The following GADL1 variants were observed in gnomAD, a reference collection of about 807,000 sequenced individuals.
The protein encoded by GADL1 is acidic amino acid decarboxylase GADL1.
A neutral mutation model predicts 69.5 loss-of-function variants in GADL1; 71 were observed. That is an observed-to-expected ratio of 1.02 (90% confidence interval 0.84 to 1.25). The LOEUF (loss-of-function observed/expected upper bound fraction) is 1.25, where lower values mean the gene tolerates loss of function less well. Among genes scored for constraint, GADL1 ranks in the 50% most tolerant of loss-of-function variants. The pLI, the probability that GADL1 is intolerant of heterozygous loss-of-function variation, is 0.00. For missense variants in GADL1, 737 were observed against 631.8 expected (o/e 1.17, Z -1.79); for synonymous variants, 254 against 214.4 (o/e 1.18, Z -1.62).
chr3:30,854,731 G>A lies in GADL1; in HGVS notation c.396C>T (p.Ala132=), dbSNP rs985716508. The A allele has an allele frequency of 5.9e-5, 92 of 1,549,464 alleles. No individual in the cohort carries two copies. The highest frequency in any genetic ancestry group is 7.6e-5 in the Non-Finnish European group (87 of 1,145,634). ...GATTCAATGCTTCGGTCATAAATCG[G>A]GCCACCAAGGAGTAATAATCAAGTC... ...YAGLDYYSLV[A]RFMTEALNPS... is the part of the protein sequence containing the mutation. The change falls in exon 4 of 15, where the codon GCC becomes GCT. Residue 132 remains alanine, a synonymous_variant. Coordinates refer to ENST00000282538, the MANE Select transcript of GADL1 (RefSeq NM_207359.3).
intron 11 of GADL1, among the ~76,000 whole-genome samples, chr3:30,813,925 G>A (rs1266417952): frequency 2.0e-5 from 3 of 152,254 alleles, no homozygotes; most frequent in Non-Finnish European, 2.9e-5. Flanking sequence ...GCAGAAATGC[G>A]CTGAAATGAC....
At chr3:30,799,789 A>T (rs1232829341) in intron 12 of GADL1, 3 of 152,210 alleles carry the variant, frequency 2.0e-5, no homozygotes, top group Non-Finnish European at 2.9e-5. Context: ...CTTCCATCAG[A>T]TACCATAAAT....
chr3:30,781,792 G>A (rs901264156), intron 13 of GADL1, among the ~76,000 whole-genome samples: 2 of 152,170 alleles, frequency 1.3e-5, no homozygotes, highest in Non-Finnish European at 2.9e-5. Context: ...TTAGTACCGT[G>A]TCTGGCACAC....
chr3:30,741,970 G>A (rs1383088589), intron 14 of GADL1, among the ~76,000 whole-genome samples: 1 of 152,158 alleles, frequency 6.6e-6, no homozygotes, highest in Admixed American at 6.5e-5. Context: ...AGCCCACTAT[G>A]AGGAATTCCA....
chr3:30,741,059 T>G (rs575474874), intron 14 of GADL1, among the ~76,000 whole-genome samples: 1 of 137,022 alleles, frequency 7.3e-6, no homozygotes, highest in Non-Finnish European at 1.5e-5. Flanking sequence ...ATCAGATATA[T>G]AAATGTTTGT....
chr3:30,864,578 C>A (rs911664768), intron 1 of GADL1, among the ~76,000 whole-genome samples: 1 of 151,880 alleles, frequency 6.6e-6, no homozygotes, highest in Non-Finnish European at 1.5e-5. Flanking sequence ...TTGATAGACA[C>A]ATTTTATTTT....
chr3:30,797,521 A>G lies in GADL1; in HGVS notation c.1250+3368T>C, dbSNP rs1334084389. On this transcript the variant is annotated intron_variant, in intron 12 of 14. Transcript: ENST00000282538. ...ACAGTAACTGTTTGAGATACGTGTT[A>G]TTATCACTTTCCTGGGACAAAACTG... Among the ~76,000 whole-genome samples the G allele has an allele frequency of 2.0e-5, 3 of 152,166 alleles. No homozygotes were observed. The South Asian group carries it at 6.2e-4, about 31-fold the overall frequency.
intron 11 of GADL1, among the ~76,000 whole-genome samples, chr3:30,818,355 CTTTATT>C (rs1376654536): frequency 6.6e-6 from 1 of 152,146 alleles, no homozygotes; most frequent in Non-Finnish European, 1.5e-5. Flanking sequence ...AAAAAGGGAA[CTTTATT>C]TTTCTTTAAA....
At chr3:30,773,665 T>C (rs545766243) in intron 14 of GADL1, among the ~76,000 whole-genome samples, 62 of 152,306 alleles carry the variant, frequency 4.1e-4, no homozygotes, top group Non-Finnish European at 3.5e-4. Flanking sequence ...TGTTTATAAG[T>C]TATGTACTAA....
intron 11 of GADL1, among the ~76,000 whole-genome samples, chr3:30,801,290 A>G (rs1559503866): frequency 6.6e-6 from 1 of 152,180 alleles, no homozygotes; most frequent in African/African-American, 2.4e-5. Context: ...AAAACTTCAG[A>G]GTTGACAATG....
intron 11 of GADL1, among the ~76,000 whole-genome samples, chr3:30,813,986 T>C (rs1697409431): frequency 2.0e-5 from 3 of 152,202 alleles, no homozygotes; most frequent in Non-Finnish European, 2.9e-5. Flanking sequence ...AGAAAGAGCC[T>C]GTGCATTAGC....
At chr3:30,894,515 A>C in intron 1 of GADL1, 63 bp downstream of exon 1, 3 of 1,354,844 alleles carry the variant, frequency 2.2e-6, no homozygotes, top group Non-Finnish European at 2.0e-6. Context: ...GTCAAAAATA[A>C]GGAGATTAAA....
chr3:30,744,932 C>T lies in GADL1; in HGVS notation c.1393-16517G>A, dbSNP rs973226717. ...GTTGTAGAATAAGAAACACGAACAG[C>T]GGCGAACGAAATCTAAATAACAAGC... On this transcript the variant is annotated intron_variant, in intron 14 of 14. Coordinates refer to ENST00000282538, the MANE Select transcript of GADL1 (RefSeq NM_207359.3). Among the ~76,000 whole-genome samples, 9 of 152,204 alleles carry T rather than the reference C, an allele frequency of 5.9e-5. No homozygotes were observed. The South Asian group carries it at 8.3e-4, about 14-fold the overall frequency.
chr3:30,783,434 GA>G (rs1366875234), intron 13 of GADL1, among the ~76,000 whole-genome samples: 1 of 144,684 alleles, frequency 6.9e-6, no homozygotes, highest in Non-Finnish European at 1.6e-5. Flanking sequence ...TTCTTTCCAG[GA>G]AAAAATACTC....
chr3:30,844,138 CTCTT>C, intron 8 of GADL1, 68 bp downstream of exon 8: 2 of 1,168,524 alleles, frequency 1.7e-6, no homozygotes, highest in South Asian at 2.8e-5. Context: ...GCTATTCCCT[CTCTT>C]TCATAAGCGC....
intron 1 of GADL1, among the ~76,000 whole-genome samples, chr3:30,862,972 C>G (rs1436130150): frequency 6.6e-6 from 1 of 151,686 alleles, no homozygotes; most frequent in East Asian, 1.9e-4. Context: ...TTCTTGCAGT[C>G]ACCTTTCAAA....
intron 1 of GADL1, among the ~76,000 whole-genome samples, chr3:30,889,699 G>A (rs1476659004): frequency 6.6e-6 from 1 of 152,030 alleles, no homozygotes; most frequent in Non-Finnish European, 1.5e-5. Flanking sequence ...TTGGAATGCT[G>A]AGAGGTTGGA....
intron 11 of GADL1, among the ~76,000 whole-genome samples, chr3:30,823,047 C>T (rs1697617687): frequency 6.6e-6 from 1 of 151,932 alleles, no homozygotes; most frequent in African/African-American, 2.4e-5. Context: ...AATTAAAGAC[C>T]TTCCCACTGA....
At chr3:30,821,775 T>C (rs574072053) in intron 11 of GADL1, among the ~76,000 whole-genome samples, 45 of 151,682 alleles carry the variant, frequency 3.0e-4, no homozygotes, top group African/African-American at 1.1e-3. Flanking sequence ...CCCTACTAGA[T>C]GAAATATATT....
Sources: gnomAD v4.1 joint callset for allele counts (sites outside exome capture counted in the v4.1 genomes callset) on GRCh38, gnomAD v4.1.1 for gene constraint, MANE v1.5 for transcripts, NCBI Gene and HGNC (gene_info 2026-07-23, HGNC 2026-07-21) for gene names.